Variants in FBXO36 observed in about 807,000 individuals in gnomAD.
The protein encoded by FBXO36 is F-box protein 36.
Under a neutral mutation model 17.0 loss-of-function variants are expected in FBXO36, and 18 were observed. That is an observed-to-expected ratio of 1.06 (90% confidence interval 0.73 to 1.57). The LOEUF is 1.57. Among genes scored for constraint, FBXO36 ranks in the 40% most tolerant of loss-of-function variants. FBXO36 has a pLI of 0.00. For missense variants in FBXO36, 229 were observed against 221.9 expected (o/e 1.03, Z -0.20); for synonymous variants, 83 against 85.3 (o/e 0.97, Z 0.15).
intron 1 of FBXO36, among the ~76,000 whole-genome samples, chr2:229,946,758 G>A (rs2106168273): frequency 6.6e-6 from 1 of 152,288 alleles, no homozygotes. Context: ...AGAGCCTAAT[G>A]TTCAGCGTGC....
chr2:229,958,555 C>T (rs187477885), intron 1 of FBXO36, among the ~76,000 whole-genome samples: 2 of 152,284 alleles, frequency 1.3e-5, no homozygotes, highest in African/African-American at 4.8e-5. Context: ...AGGCGCGAGC[C>T]ACCGCACCCT....
intron 2 of FBXO36, among the ~76,000 whole-genome samples, chr2:229,990,712 A>G (rs66549147): frequency 0.14 from 21,053 of 152,168 alleles, 1,825 homozygotes; most frequent in Middle Eastern, 0.2. Context: ...TTTGCCTACC[A>G]TCATTGCTGG....
intron 1 of FBXO36, among the ~76,000 whole-genome samples, chr2:229,968,365 CAAATT>C (rs1394375715): frequency 6.6e-6 from 1 of 152,084 alleles, no homozygotes; most frequent in East Asian, 1.9e-4. Context: ...ATACATTTGA[CAAATT>C]AAAATCTCAA....
chr2:229,955,803 T>G (rs1035292248), intron 1 of FBXO36, among the ~76,000 whole-genome samples: 4 of 152,230 alleles, frequency 2.6e-5, no homozygotes, highest in African/African-American at 7.2e-5. Context: ...CTCTACATTA[T>G]CATGGCCAAT....
chr2:229,925,759 G>GTAT (rs1215025849), intron 1 of FBXO36, among the ~76,000 whole-genome samples: 3 of 151,998 alleles, frequency 2.0e-5, no homozygotes, highest in Non-Finnish European at 4.4e-5. Flanking sequence ...GAATATAAAT[G>GTAT]TTATACATAA....
chr2:229,970,289 G>A (rs1044855988), intron 1 of FBXO36, among the ~76,000 whole-genome samples: 21 of 152,162 alleles, frequency 1.4e-4, no homozygotes, highest in Non-Finnish European at 2.5e-4. Flanking sequence ...GAAGGCTGAG[G>A]TGGGAGGACT....
intron 1 of FBXO36, among the ~76,000 whole-genome samples, chr2:229,956,173 C>T (rs562733613): frequency 6.6e-6 from 1 of 152,288 alleles, no homozygotes; most frequent in South Asian, 2.1e-4. Flanking sequence ...ATGACTTAAA[C>T]AATAGAAATG....
intron 1 of FBXO36, among the ~76,000 whole-genome samples, chr2:229,930,609 G>A (rs1366909363): frequency 6.6e-6 from 1 of 151,012 alleles, no homozygotes; most frequent in Non-Finnish European, 1.5e-5. Context: ...AAATTATCTG[G>A]GTGTGGTGGT....
intron 1 of FBXO36, among the ~76,000 whole-genome samples, chr2:229,975,060 G>C (rs1474115869): frequency 1.3e-5 from 2 of 152,122 alleles, no homozygotes; most frequent in Non-Finnish European, 2.9e-5. Context: ...GTTTCAAGGG[G>C]CTTCTCATCA....
In FBXO36 at chr2:230,013,016, A is replaced by G. The variant is rs2077423519; in HGVS notation, c.*2132A>G. The G allele has an allele frequency of 6.6e-6, 1 of 151,416 alleles. No individual in the cohort carries two copies. Among genetic ancestry groups the G allele is most frequent in the African/African-American group, 2.4e-5 (1 of 41,342 alleles). The allele number at this position is 151,416 out of a possible 1,614,324, so 9.4% of individuals were successfully genotyped here. On this transcript the variant is annotated 3_prime_UTR_variant, in exon 4 of 4. Transcript: ENST00000283946. ...ACATATAAAAATGTTATAAAAATAA[A>G]TGCTAAAGTAAATAAAAAAAGAGCC... is the stretch of plus-strand genomic sequence containing the variant.
At chr2:229,959,175 T>C (rs1424515728) in intron 1 of FBXO36, among the ~76,000 whole-genome samples, 6 of 152,184 alleles carry the variant, frequency 3.9e-5, no homozygotes, top group Non-Finnish European at 8.8e-5. Flanking sequence ...TTTTCTTTTT[T>C]AAAATAATTT....
At chr2:229,923,847 GTTTTTT>G (rs71045800) in intron 1 of FBXO36, among the ~76,000 whole-genome samples, 1,452 of 77,750 alleles carry the variant, frequency 0.019, 9 homozygotes, top group African/African-American at 0.068. Context: ...TTTTGGTGTT[GTTTTTT>G]TTTTTTTTTT....
chr2:229,959,373 G>A (rs13398725), intron 1 of FBXO36, among the ~76,000 whole-genome samples: 1,979 of 152,050 alleles, frequency 0.013, 40 homozygotes, highest in African/African-American at 0.045. Flanking sequence ...CTTTACTTAC[G>A]TATCCTCCTT....
At chr2:229,939,625 A>C (rs1027258340) in intron 1 of FBXO36, among the ~76,000 whole-genome samples, 1 of 152,006 alleles carries the variant, frequency 6.6e-6, no homozygotes, top group Non-Finnish European at 1.5e-5. Context: ...AAAGAGAGAG[A>C]AATAGATTGG....
chr2:230,010,676 C>T lies in FBXO36; in HGVS notation c.379-20C>T. On this transcript the variant is annotated intron_variant, in intron 3 of 3. Coordinates refer to ENST00000283946, the MANE Select transcript of FBXO36 (RefSeq NM_174899.5). Reference sequence around the variant, plus strand: ...AACACATGTGTGCTGTAACCCACCTCTGACTTTTCCCACCCACAGCTGTGC... The same window carrying T: ...AACACATGTGTGCTGTAACCCACCTTTGACTTTTCCCACCCACAGCTGTGC... The T allele has an allele frequency of 6.3e-7, 1 of 1,589,648 alleles. No homozygotes were observed. Among genetic ancestry groups the T allele is most frequent in the Non-Finnish European group, 8.6e-7 (1 of 1,163,132 alleles).
At chr2:229,973,761 A>G (rs1200754383) in intron 1 of FBXO36, among the ~76,000 whole-genome samples, 2 of 148,212 alleles carry the variant, frequency 1.3e-5, no homozygotes, top group Admixed American at 6.8e-5. Context: ...AAATTTGTCT[A>G]TTCGGCTGGG....
intron 3 of FBXO36, among the ~76,000 whole-genome samples, chr2:229,999,564 G>A (rs1309509549): frequency 6.7e-6 from 1 of 148,558 alleles, no homozygotes; most frequent in Non-Finnish European, 1.5e-5. Flanking sequence ...TTAAAAGAGA[G>A]GTGGGATTTC....
intron 1 of FBXO36, among the ~76,000 whole-genome samples, chr2:229,950,461 G>A (rs1411582652): frequency 6.6e-6 from 1 of 151,918 alleles, no homozygotes; most frequent in East Asian, 1.9e-4. Context: ...CAGCCCAAAG[G>A]GAAAAGAGAG....
chr2:229,982,598 G>A lies in FBXO36; in HGVS notation c.205+6249G>A, dbSNP rs1342332088. Among the ~76,000 whole-genome samples, 3 of 151,834 alleles carry A rather than the reference G, an allele frequency of 2.0e-5. No individual in the cohort carries two copies. In the East Asian group the frequency reaches 5.8e-4, roughly 30 times the overall value. On this transcript the variant is annotated intron_variant, in intron 2 of 3. Coordinates refer to ENST00000283946, the MANE Select transcript of FBXO36 (RefSeq NM_174899.5). ...GAGGCGGGTGGATTACTTGAGGTTA[G>A]GAGTTTGAGACCAGCCTGGCCAACA...
Sources: gnomAD v4.1 joint callset for allele counts (sites outside exome capture counted in the v4.1 genomes callset) on GRCh38, gnomAD v4.1.1 for gene constraint, MANE v1.5 for transcripts, NCBI Gene and HGNC (gene_info 2026-07-23, HGNC 2026-07-21) for gene names.